The following NSF variants were observed in gnomAD, a reference collection of about 807,000 sequenced individuals.
NSF encodes N-ethylmaleimide sensitive factor, vesicle fusing ATPase.
Under a neutral mutation model 50.3 loss-of-function variants are expected in NSF, and 14 were observed. The observed-to-expected ratio is 0.28, with a 90% confidence interval of 0.18 to 0.44. NSF has a LOEUF of 0.44. NSF is among the 20% of genes least tolerant of loss of function. The pLI, the probability that NSF is intolerant of heterozygous loss-of-function variation, is 1.00. For synonymous variants in NSF, 109 were observed against 175.7 expected (o/e 0.62, Z 3.00); for missense variants, 218 against 504.3 (o/e 0.43, Z 5.44).
chr17:46,727,151 A>G (rs1274825340), intron 16 of NSF, among the ~76,000 whole-genome samples: 1 of 152,206 alleles, frequency 6.6e-6, no homozygotes, highest in African/African-American at 2.4e-5. Context: ...TAAATCTTGA[A>G]AAAATTTTGT....
At chr17:46,726,260 G>C (rs1439375369) in intron 15 of NSF, among the ~76,000 whole-genome samples, 1 of 152,162 alleles carries the variant, frequency 6.6e-6, no homozygotes. Context: ...TCCTGACACA[G>C]ATACCAGAGA....
At chr17:46,721,882 G>A (rs544679092) in intron 15 of NSF, 10 of 1,584,466 alleles carry the variant, frequency 6.3e-6, no homozygotes, top group East Asian at 2.2e-5. Context: ...TCCTCTGAGC[G>A]ATAAAGACGA....
chr17:46,667,551 A>C (rs545097497), intron 8 of NSF, among the ~76,000 whole-genome samples: 2 of 143,606 alleles, frequency 1.4e-5, no homozygotes, highest in South Asian at 4.3e-4. Flanking sequence ...AAAGAAAACA[A>C]ATGTTCTTTT....
intron 15 of NSF, among the ~76,000 whole-genome samples, chr17:46,716,268 T>TC (rs1485071615): frequency 6.6e-6 from 1 of 151,540 alleles, no homozygotes; most frequent in East Asian, 1.9e-4. Flanking sequence ...CTCCTTTTTT[T>TC]TTTTTTGAGA....
At chr17:46,733,999 C>G (rs1191512859) in intron 17 of NSF, among the ~76,000 whole-genome samples, 6 of 151,838 alleles carry the variant, frequency 4.0e-5, no homozygotes, top group Admixed American at 3.9e-4. Context: ...AGGATGGGGA[C>G]TTGGGTAGAC....
chr17:46,755,047 C>T (rs1309398439), intron 19 of NSF, among the ~76,000 whole-genome samples: 1 of 152,254 alleles, frequency 6.6e-6, no homozygotes, highest in Non-Finnish European at 1.5e-5. Flanking sequence ...GCACAGGGCA[C>T]GCCTGGCCCA....
At chr17:46,737,391 A>G (rs532762947) in intron 17 of NSF, among the ~76,000 whole-genome samples, 2 of 152,282 alleles carry the variant, frequency 1.3e-5, no homozygotes, top group South Asian at 4.1e-4. Flanking sequence ...TAGCATCAGC[A>G]TATCCCATAT....
At chr17:46,746,210 A>G (rs1208122774) in intron 17 of NSF, among the ~76,000 whole-genome samples, 1 of 152,152 alleles carries the variant, frequency 6.6e-6, no homozygotes, top group Non-Finnish European at 1.5e-5. Flanking sequence ...TGATTCCTCA[A>G]ATAATAATAA....
chr17:46,745,510 T>C (rs2059119212), intron 17 of NSF, among the ~76,000 whole-genome samples: 1 of 152,198 alleles, frequency 6.6e-6, no homozygotes, highest in Non-Finnish European at 1.5e-5. Context: ...GCATAGTCAC[T>C]GTTAATGTAA....
chr17:46,728,798 G>C, intron 16 of NSF, 57 bp from the exon 17 acceptor site: 1 of 1,018,466 alleles, frequency 9.8e-7, no homozygotes, highest in South Asian at 1.7e-5. Context: ...AAAACTGAAT[G>C]TTTGGAATAT....
intron 13 of NSF, among the ~76,000 whole-genome samples, chr17:46,707,483 A>G (rs1046981199): frequency 3.3e-5 from 5 of 152,082 alleles, no homozygotes; most frequent in African/African-American, 1.2e-4. Context: ...ATCCATCTCT[A>G]AAACTCTTTT....
chr17:46,721,003 C>A (rs2058825092), intron 15 of NSF, among the ~76,000 whole-genome samples: 1 of 152,186 alleles, frequency 6.6e-6, no homozygotes, highest in African/African-American at 2.4e-5. Context: ...ACAGGTGGCT[C>A]CCCAGTTGTC....
Position 46,728,837 on chromosome 17 carries a change from A to G in NSF, c.1829-18A>G, listed in dbSNP as rs756551764. Reference sequence around the variant, plus strand: ...CATGTGTATCAAATCCCTAAACATAATAATGTTTCTTTTCCAGATTACGTC... The same window carrying G: ...CATGTGTATCAAATCCCTAAACATAGTAATGTTTCTTTTCCAGATTACGTC... On this transcript the variant is annotated intron_variant, in intron 16 of 20. Transcript: ENST00000398238. 7 of 1,562,854 alleles carry G rather than the reference A, an allele frequency of 4.5e-6. No individual in the cohort carries two copies. Among genetic ancestry groups the G allele is most frequent in the Middle Eastern group, 1.7e-4 (1 of 5,958 alleles).
At chr17:46,729,835 G>A (rs539887195) in intron 17 of NSF, among the ~76,000 whole-genome samples, 1 of 152,190 alleles carries the variant, frequency 6.6e-6, no homozygotes, top group Admixed American at 6.5e-5. Flanking sequence ...AAAAGTAAAT[G>A]ACTTGTCTTG....
intron 12 of NSF, among the ~76,000 whole-genome samples, chr17:46,695,241 G>A (rs1319041169): frequency 5.6e-5 from 8 of 143,432 alleles, no homozygotes; most frequent in South Asian, 2.3e-4. Context: ...GCGAGATTCC[G>A]TCTCCAAAAA....
intron 17 of NSF, among the ~76,000 whole-genome samples, chr17:46,736,460 G>C (rs2059005975): frequency 6.6e-6 from 1 of 152,158 alleles, no homozygotes; most frequent in Non-Finnish European, 1.5e-5. Flanking sequence ...TGTCCTTGGG[G>C]ATCTCACAAT....
chr17:46,622,774 A>T (rs1181218708), intron 1 of NSF, among the ~76,000 whole-genome samples: 3 of 150,190 alleles, frequency 2.0e-5, no homozygotes, highest in Non-Finnish European at 4.4e-5. Context: ...CTGTGTCAAA[A>T]AACAAAACAA....
intron 17 of NSF, among the ~76,000 whole-genome samples, chr17:46,738,027 G>A (rs1053411092): frequency 1.3e-5 from 2 of 151,738 alleles, no homozygotes; most frequent in Non-Finnish European, 2.9e-5. Context: ...TTTACCTCCT[G>A]GGCTCAATTG....
intron 17 of NSF, among the ~76,000 whole-genome samples, chr17:46,733,041 CCT>C (rs2058965685): frequency 1.3e-5 from 2 of 152,166 alleles, no homozygotes; most frequent in Non-Finnish European, 2.9e-5. Context: ...GTTCACCCTC[CCT>C]GAGCTGGACG....
Sources: gnomAD v4.1 joint callset for allele counts (sites outside exome capture counted in the v4.1 genomes callset) on GRCh38, gnomAD v4.1.1 for gene constraint, MANE v1.5 for transcripts, NCBI Gene and HGNC (gene_info 2026-07-23, HGNC 2026-07-21) for gene names.